LYPLAL1: variants seen among roughly 807,000 people sequenced by gnomAD.
LYPLAL1 encodes the protein lysophospholipase like 1.
A neutral mutation model predicts 19.7 loss-of-function variants in LYPLAL1; 23 were observed. The observed-to-expected ratio is 1.17, with a 90% CI of 0.84 to 1.65. LYPLAL1 has a LOEUF of 1.65. Ranked by LOEUF, LYPLAL1 falls within the 40% of genes most tolerant of loss-of-function variation. The pLI is 0.00. For synonymous variants in LYPLAL1, 119 were observed against 96.3 expected (o/e 1.24, Z -1.38); for missense variants, 355 against 279.4 (o/e 1.27, Z -1.93).
At chr1:219,384,037 C>A in the LYPLAL1 span, among the ~76,000 whole-genome samples, 1 of 152,196 alleles carries the variant, frequency 6.6e-6, no homozygotes, top group African/African-American at 2.4e-5. Context: ...CTACTGTTTT[C>A]CTCTCCTTCA....
chr1:219,244,320 A>G, the LYPLAL1 span, among the ~76,000 whole-genome samples: 1 of 152,222 alleles, frequency 6.6e-6, no homozygotes, highest in Non-Finnish European at 1.5e-5. Flanking sequence ...AGTGGTTTAT[A>G]GAGTAGGTCT....
At chr1:219,298,765 A>T in the LYPLAL1 span, among the ~76,000 whole-genome samples, 1 of 152,254 alleles carries the variant, frequency 6.6e-6, no homozygotes, top group African/African-American at 2.4e-5. Context: ...CCTTGAGGTC[A>T]TTCTTTCTTT....
chr1:219,309,896 A>T, the LYPLAL1 span, among the ~76,000 whole-genome samples: 3 of 152,256 alleles, frequency 2.0e-5, no homozygotes, highest in Non-Finnish European at 4.4e-5. Context: ...GTCAGTGACT[A>T]GAAGTCACAG....
the LYPLAL1 span, among the ~76,000 whole-genome samples, chr1:219,355,165 T>C: frequency 6.6e-6 from 1 of 152,224 alleles, no homozygotes; most frequent in African/African-American, 2.4e-5. Flanking sequence ...TTAGCCACAC[T>C]AGGCTAACAA....
the LYPLAL1 span, among the ~76,000 whole-genome samples, chr1:219,340,242 C>T: frequency 2.0e-5 from 3 of 152,070 alleles, no homozygotes; most frequent in African/African-American, 7.2e-5. Flanking sequence ...TTAGTTAAGT[C>T]TGTCTGGGGC....
the LYPLAL1 span, among the ~76,000 whole-genome samples, chr1:219,219,331 C>A: frequency 3.3e-5 from 5 of 152,162 alleles, no homozygotes; most frequent in African/African-American, 1.2e-4. Flanking sequence ...GAGATCCCTG[C>A]AGTCACCTGA....
At chr1:219,191,750 A>AT (rs1657199828) in intron 2 of LYPLAL1, among the ~76,000 whole-genome samples, 1 of 151,540 alleles carries the variant, frequency 6.6e-6, no homozygotes, top group African/African-American at 2.4e-5. Context: ...ATAATCTCAT[A>AT]TTTAAAAAAT....
the LYPLAL1 span, among the ~76,000 whole-genome samples, chr1:219,247,285 GT>G: frequency 3.3e-5 from 5 of 152,092 alleles, no homozygotes; most frequent in African/African-American, 9.7e-5. Flanking sequence ...AGAATCCAAA[GT>G]AAAGAAATTT....
the LYPLAL1 span, among the ~76,000 whole-genome samples, chr1:219,313,815 A>G: frequency 6.6e-6 from 1 of 152,176 alleles, no homozygotes; most frequent in African/African-American, 2.4e-5. Flanking sequence ...GATTACAGGC[A>G]TGAGCCACCC....
chr1:219,421,763 G>A, the LYPLAL1 span, among the ~76,000 whole-genome samples: 2 of 152,048 alleles, frequency 1.3e-5, no homozygotes, highest in Admixed American at 6.6e-5. Context: ...GGGAGCTTCA[G>A]GATGAGCTAG....
the LYPLAL1 span, among the ~76,000 whole-genome samples, chr1:219,261,424 G>A: frequency 6.6e-6 from 1 of 152,124 alleles, no homozygotes; most frequent in Non-Finnish European, 1.5e-5. Context: ...ATAGTCAGTT[G>A]TCTTCATTTC....
At chr1:219,174,548 C>A (rs541829653) in intron 1 of LYPLAL1, among the ~76,000 whole-genome samples, 2 of 152,286 alleles carry the variant, frequency 1.3e-5, no homozygotes, top group Admixed American at 1.3e-4. Flanking sequence ...CCTTTCCCGC[C>A]TGTGTCATTA....
chr1:219,301,258 C>A, the LYPLAL1 span, among the ~76,000 whole-genome samples: 5 of 152,086 alleles, frequency 3.3e-5, no homozygotes, highest in Non-Finnish European at 7.4e-5. Context: ...AATAAATAAA[C>A]ACATACTTTT....
the LYPLAL1 span, among the ~76,000 whole-genome samples, chr1:219,345,861 C>T: frequency 1.1e-4 from 17 of 152,156 alleles, no homozygotes; most frequent in African/African-American, 3.1e-4. Context: ...CAATGCTGTC[C>T]CTGTCTTCCA....
At chr1:219,275,807 T>G in the LYPLAL1 span, among the ~76,000 whole-genome samples, 1 of 152,160 alleles carries the variant, frequency 6.6e-6, no homozygotes, top group African/African-American at 2.4e-5. Flanking sequence ...ATTAAACTCA[T>G]CTTAAGGCTC....
chr1:219,182,690 C>T (rs964972138), intron 2 of LYPLAL1, among the ~76,000 whole-genome samples: 2 of 152,060 alleles, frequency 1.3e-5, no homozygotes, highest in Non-Finnish European at 2.9e-5. Flanking sequence ...TATTTATTCT[C>T]TCTCCTGATT....
chr1:219,333,154 G>A, the LYPLAL1 span, among the ~76,000 whole-genome samples: 2 of 151,896 alleles, frequency 1.3e-5, no homozygotes, highest in African/African-American at 2.4e-5. Flanking sequence ...GGGACCCTTC[G>A]TATAATCCAA....
chr1:219,231,506 T>C, the LYPLAL1 span, among the ~76,000 whole-genome samples: 1 of 152,182 alleles, frequency 6.6e-6, no homozygotes, highest in African/African-American at 2.4e-5. Context: ...ATAATATACA[T>C]ATATTGTGTA....
chr1:219,192,087 C>T (rs755899914), intron 2 of LYPLAL1, among the ~76,000 whole-genome samples: 1 of 151,468 alleles, frequency 6.6e-6, no homozygotes, highest in Non-Finnish European at 1.5e-5. Context: ...TCCCTTCCAG[C>T]ACCACCCACT....
Sources: gnomAD v4.1 joint callset for allele counts (sites outside exome capture counted in the v4.1 genomes callset) on GRCh38, gnomAD v4.1.1 for gene constraint, MANE v1.5 for transcripts, NCBI Gene and HGNC (gene_info 2026-07-23, HGNC 2026-07-21) for gene names.